The following COL17A1 variants were observed in gnomAD, a reference collection of about 807,000 sequenced individuals.
The protein encoded by COL17A1 is collagen alpha-1(XVII) chain.
Under a neutral mutation model 218.4 loss-of-function variants are expected in COL17A1, and 181 were observed. The ratio of observed to expected loss-of-function variants is 0.83; its 90% CI spans 0.73 to 0.94. The LOEUF (loss-of-function observed/expected upper bound fraction) is 0.94, where lower values mean the gene tolerates loss of function less well. Among genes scored for constraint, COL17A1 ranks in the 40% least tolerant of loss-of-function variants. The probability of loss-of-function intolerance (pLI) is 0.00; values close to 1 mark genes in which losing one functional copy is unlikely to be tolerated. For missense variants in COL17A1, 1,924 were observed against 1,945.9 expected (o/e 0.99, Z 0.21); for synonymous variants, 721 against 731.0 (o/e 0.99, Z 0.22).
chr10:104,039,858 T>C, intron 41 of COL17A1, 115 bp downstream of exon 41: 1 of 1,445,578 alleles, frequency 6.9e-7, no homozygotes. Context: ...AACACTGCTC[T>C]ACTCTTGCTT....
chr10:104,064,993 C>T (rs961552314), intron 9 of COL17A1, among the ~76,000 whole-genome samples: 5 of 152,176 alleles, frequency 3.3e-5, no homozygotes, highest in African/African-American at 7.2e-5. Flanking sequence ...AATGAGACCC[C>T]GAAGAGAACC....
intron 12 of COL17A1, among the ~76,000 whole-genome samples, 182 bp downstream of exon 12, chr10:104,062,075 TC>T (rs2086587594): frequency 6.6e-6 from 1 of 152,210 alleles, no homozygotes; most frequent in African/African-American, 2.4e-5. Context: ...AGGACAGCCT[TC>T]CCTGTGTGCT....
intron 13 of COL17A1, 85 bp from the exon 14 acceptor site, chr10:104,060,365 GA>G: frequency 1.3e-6 from 2 of 1,566,162 alleles, no homozygotes; most frequent in Non-Finnish European, 1.7e-6. Context: ...GGAAGGAGAA[GA>G]AAGAGAAGGA....
intron 8 of COL17A1, 32 bp downstream of exon 8, chr10:104,072,000 C>G (rs766157625): frequency 2.5e-6 from 4 of 1,613,796 alleles, no homozygotes; most frequent in African/African-American, 1.3e-5. Context: ...ATTTCTGGAC[C>G]CTTTCTTTTC....
At chr10:104,040,112 G>A in intron 40 of COL17A1, 113 bp from the exon 41 acceptor site, 1 of 1,309,060 alleles carries the variant, frequency 7.6e-7, no homozygotes, top group Non-Finnish European at 1.1e-6. Context: ...TATAGAACTT[G>A]GGGTTCCTTG....
intron 10 of COL17A1, 138 bp from the exon 11 acceptor site, chr10:104,063,956 A>T: frequency 8.1e-7 from 1 of 1,227,366 alleles, no homozygotes; most frequent in Non-Finnish European, 1.2e-6. Context: ...TTTAGGAAAA[A>T]CAGGCTCTTG....
chr10:104,039,903 C>A, intron 41 of COL17A1, 70 bp downstream of exon 41: 1 of 1,599,380 alleles, frequency 6.3e-7, no homozygotes, highest in East Asian at 2.2e-5. Context: ...AAGCTCAAAG[C>A]TCTTGGGAGG....
At chr10:104,052,260 G>A (rs765634924) in intron 23 of COL17A1, 43 bp from the exon 24 acceptor site, 1 of 1,612,558 alleles carries the variant, frequency 6.2e-7, no homozygotes, top group Non-Finnish European at 8.5e-7. Context: ...AGAGGCCCCA[G>A]TGTGGCTGCC....
intron 46 of COL17A1, 141 bp downstream of exon 46, chr10:104,037,495 C>A (rs1164451130): frequency 6.0e-6 from 7 of 1,159,258 alleles, no homozygotes; most frequent in Non-Finnish European, 9.0e-6. Context: ...ATCCCAGTGG[C>A]CCGATTATTA....
intron 5 of COL17A1, among the ~76,000 whole-genome samples, chr10:104,074,709 C>G (rs1405523662): frequency 6.6e-6 from 1 of 152,222 alleles, no homozygotes. Context: ...ATGCAATCCA[C>G]CTCACCTGGA....
chr10:104,033,622 A>ACT (rs1480881198), intron 52 of COL17A1, among the ~76,000 whole-genome samples: 1 of 151,990 alleles, frequency 6.6e-6, no homozygotes, highest in Non-Finnish European at 1.5e-5. Context: ...CGGGGAAAGG[A>ACT]CTCTTAGCCA....
chr10:104,047,894 G>T (rs1054805460), intron 30 of COL17A1, 84 bp from the exon 31 acceptor site: 6 of 1,432,044 alleles, frequency 4.2e-6, no homozygotes, highest in African/African-American at 2.8e-5. Flanking sequence ...AGTTTCTGAG[G>T]GTTTTCCTAA....
At chr10:104,073,161 A>T in intron 7 of COL17A1, 49 bp downstream of exon 7, 1 of 1,572,712 alleles carries the variant, frequency 6.4e-7, no homozygotes, top group Non-Finnish European at 8.8e-7. Flanking sequence ...TTAACTTCTC[A>T]GAAAATACTT....
At chr10:104,033,486 A>C in intron 52 of COL17A1, 111 bp from the exon 53 acceptor site, 189 of 1,289,406 alleles carry the variant, frequency 1.5e-4, no homozygotes, top group Middle Eastern at 2.6e-4. Flanking sequence ...GAACTAGATC[A>C]AGCCGCAGCA....
At chr10:104,047,997 G>C in intron 30 of COL17A1, 72 bp downstream of exon 30, 2 of 1,572,742 alleles carry the variant, frequency 1.3e-6, no homozygotes, top group Non-Finnish European at 1.8e-6. Context: ...ATGGTTAAGG[G>C]GACTGAGGGC....
At chr10:104,085,083 G>A (rs2086794774) in intron 1 of COL17A1, among the ~76,000 whole-genome samples, 1 of 152,168 alleles carries the variant, frequency 6.6e-6, no homozygotes, top group Non-Finnish European at 1.5e-5. Flanking sequence ...ATATATACGG[G>A]AAACAATTTT....
chr10:104,061,843 A>G (rs780763026), intron 12 of COL17A1, among the ~76,000 whole-genome samples: 2 of 152,122 alleles, frequency 1.3e-5, no homozygotes, highest in Non-Finnish European at 2.9e-5. Context: ...GGCAAGTTGG[A>G]GGCAAAGGCT....
intron 13 of COL17A1, among the ~76,000 whole-genome samples, chr10:104,060,897 T>G (rs1291748713): frequency 1.3e-5 from 2 of 152,232 alleles, no homozygotes; most frequent in East Asian, 3.8e-4. Flanking sequence ...ACTGTCCATC[T>G]AATACAAAGA....
intron 36 of COL17A1, among the ~76,000 whole-genome samples, chr10:104,042,100 G>A (rs1380434572): frequency 6.6e-6 from 1 of 152,160 alleles, no homozygotes; most frequent in Non-Finnish European, 1.5e-5. Context: ...CCGGGAGTGA[G>A]TCCTCTCAGC....
Sources: allele counts gnomAD v4.1 joint callset (sites outside exome capture counted in the v4.1 genomes callset), GRCh38; gene constraint gnomAD v4.1.1; transcripts MANE v1.5; gene names NCBI Gene and HGNC (gene_info 2026-07-23, HGNC 2026-07-21).